Variants in KCNK10 observed in about 807,000 individuals in gnomAD.
KCNK10 encodes potassium two pore domain channel subfamily K member 10, also known as potassium channel subfamily K member 10.
In KCNK10, 25 loss-of-function variants were observed where a neutral mutation model predicts 47.7. The ratio of observed to expected loss-of-function variants is 0.52; its 90% CI spans 0.38 to 0.73. The LOEUF is 0.73. KCNK10 is among the 30% of genes least tolerant of loss of function. The pLI is 0.00. For synonymous variants in KCNK10, 303 were observed against 285.6 expected (o/e 1.06, Z -0.61); for missense variants, 563 against 714.5 (o/e 0.79, Z 2.42).
At chr14:88,323,683 A>G (rs1309073292), upstream of KCNK10, 3 of 151,284 alleles carry the variant, frequency 2.0e-5, no homozygotes, top group Non-Finnish European at 3.0e-5. Context: ...TGGAGGCGGC[A>G]GCGGCGCGCT....
At chr14:88,291,159 G>A (rs981779001) in intron 1 of KCNK10, among the ~76,000 whole-genome samples, 2 of 152,200 alleles carry the variant, frequency 1.3e-5, no homozygotes, top group African/African-American at 4.8e-5. Flanking sequence ...TGGAAACCAC[G>A]GTTGGCTTTC....
chr14:88,204,611 G>A (rs1885205438), intron 4 of KCNK10, among the ~76,000 whole-genome samples: 1 of 147,278 alleles, frequency 6.8e-6, no homozygotes, highest in Non-Finnish European at 1.5e-5. Context: ...CTGCAGGCAG[G>A]TAGTTGCTGA....
chr14:88,182,349 G>C lies in KCNK10; in HGVS notation c.*3186C>G, dbSNP rs1226072459. 1.3e-5 allele frequency: 2 copies of C among 152,310 alleles called. No homozygotes were observed. The highest frequency in any genetic ancestry group is 2.9e-5 in the Non-Finnish European group (2 of 68,024). The allele number at this position is 152,310 out of a possible 1,614,324, so 9.4% of individuals were successfully genotyped here. On this transcript the variant is annotated 3_prime_UTR_variant, in exon 7 of 7. Transcript: ENST00000319231. Reference sequence around the variant, plus strand: ...TGGAATGGGAGTGCAGATTGGAAAGGGGGGGCTGTGCTGATGCATGTATAG... The same window carrying C: ...TGGAATGGGAGTGCAGATTGGAAAGCGGGGGCTGTGCTGATGCATGTATAG...
At chr14:88,299,302 T>A (rs1286552551) in intron 1 of KCNK10, among the ~76,000 whole-genome samples, 1 of 152,208 alleles carries the variant, frequency 6.6e-6, no homozygotes, top group Admixed American at 6.5e-5. Context: ...AGAGCTGATA[T>A]CAGATGGCTT....
At chr14:88,301,169 CT>C (rs939901015) in intron 1 of KCNK10, among the ~76,000 whole-genome samples, 1 of 152,192 alleles carries the variant, frequency 6.6e-6, no homozygotes, top group African/African-American at 2.4e-5. Flanking sequence ...ATTGTCAGGA[CT>C]TTTAATCTGT....
intron 4 of KCNK10, among the ~76,000 whole-genome samples, chr14:88,211,093 G>A (rs966425394): frequency 3.3e-5 from 5 of 152,084 alleles, no homozygotes; most frequent in African/African-American, 1.2e-4. Flanking sequence ...ACCAAAAAGT[G>A]GAAACAGCCC....
intron 1 of KCNK10, among the ~76,000 whole-genome samples, chr14:88,321,197 G>A (rs574885393): frequency 2.0e-5 from 3 of 152,220 alleles, no homozygotes; most frequent in African/African-American, 7.2e-5. Context: ...CAGGCCCTTT[G>A]CACTTGCTGT....
intron 2 of KCNK10, among the ~76,000 whole-genome samples, chr14:88,241,035 A>G (rs1170425836): frequency 2.0e-5 from 3 of 152,202 alleles, no homozygotes; most frequent in Non-Finnish European, 4.4e-5. Context: ...TAGGGGGGAA[A>G]CGCTAGGGTA....
chr14:88,284,891 TG>T (rs1233064523), intron 1 of KCNK10, among the ~76,000 whole-genome samples: 1 of 152,146 alleles, frequency 6.6e-6, no homozygotes, highest in Non-Finnish European at 1.5e-5. Flanking sequence ...ATCTATAAAA[TG>T]GGTACGATAA....
intron 4 of KCNK10, among the ~76,000 whole-genome samples, chr14:88,213,241 A>G (rs1031010721): frequency 2.6e-5 from 4 of 152,186 alleles, no homozygotes; most frequent in African/African-American, 9.7e-5. Context: ...AAAGTAGGTC[A>G]TTGCTTGCTT....
chr14:88,236,725 C>T (rs553392705), intron 3 of KCNK10, among the ~76,000 whole-genome samples: 3 of 152,324 alleles, frequency 2.0e-5, no homozygotes, highest in African/African-American at 2.4e-5. Context: ...GTTATGTTTA[C>T]ACTCTACTAC....
intron 1 of KCNK10, among the ~76,000 whole-genome samples, chr14:88,297,020 G>A (rs557053920): frequency 6.6e-6 from 1 of 152,252 alleles, no homozygotes; most frequent in African/African-American, 2.4e-5. Flanking sequence ...ATTCAAAAAT[G>A]CATCTAAGAA....
intron 2 of KCNK10, among the ~76,000 whole-genome samples, chr14:88,248,519 A>G (rs1029475099): frequency 6.6e-6 from 1 of 152,156 alleles, no homozygotes; most frequent in Non-Finnish European, 1.5e-5. Flanking sequence ...GCTTGAGCGC[A>G]GGAGTTCAAG....
chr14:88,210,509 G>GA (rs963232253), intron 4 of KCNK10, among the ~76,000 whole-genome samples: 1 of 152,166 alleles, frequency 6.6e-6, no homozygotes, highest in Non-Finnish European at 1.5e-5. Context: ...TTTCAGAGTA[G>GA]AAAAAAGGTC....
chr14:88,249,891 C>T (rs1886746437), intron 2 of KCNK10, among the ~76,000 whole-genome samples: 1 of 152,092 alleles, frequency 6.6e-6, no homozygotes, highest in Non-Finnish European at 1.5e-5. Flanking sequence ...TAGAGCCAAA[C>T]ATAGCACCTG....
chr14:88,309,180 A>T (rs1287267485), intron 1 of KCNK10, among the ~76,000 whole-genome samples: 1 of 152,182 alleles, frequency 6.6e-6, no homozygotes, highest in Non-Finnish European at 1.5e-5. Context: ...CTGAATATAC[A>T]CTCACATTTG....
intron 1 of KCNK10, among the ~76,000 whole-genome samples, chr14:88,318,626 C>A (rs138139236): frequency 6.6e-6 from 1 of 152,112 alleles, no homozygotes; most frequent in Non-Finnish European, 1.5e-5. Flanking sequence ...GAATTCCAAG[C>A]GCAAAGGCCC....
chr14:88,308,261 G>A (rs1441516674), intron 1 of KCNK10, among the ~76,000 whole-genome samples: 2 of 152,170 alleles, frequency 1.3e-5, no homozygotes, highest in African/African-American at 4.8e-5. Flanking sequence ...ACTCAGCTGA[G>A]AGTCCTGGCA....
chr14:88,218,571 G>GAA (rs57820741), intron 4 of KCNK10, among the ~76,000 whole-genome samples: 34 of 119,902 alleles, frequency 2.8e-4, no homozygotes, highest in African/African-American at 5.9e-4. Flanking sequence ...AAAAGAAAAA[G>GAA]AAAAAAAAAA....
Sources: gnomAD v4.1 joint callset for allele counts (sites outside exome capture counted in the v4.1 genomes callset) on GRCh38, gnomAD v4.1.1 for gene constraint, MANE v1.5 for transcripts, NCBI Gene and HGNC (gene_info 2026-07-23, HGNC 2026-07-21) for gene names.